The following SNX29 variants were observed in gnomAD, a reference collection of about 807,000 sequenced individuals.
SNX29 encodes the protein sorting nexin-29.
A neutral mutation model predicts 102.1 loss-of-function variants in SNX29; 78 were observed. That is an observed-to-expected ratio of 0.76 (90% CI 0.64 to 0.92). The LOEUF is 0.92. Ranked by LOEUF, SNX29 falls within the 40% of genes least tolerant of loss-of-function variation. The probability of loss-of-function intolerance (pLI) is 0.00; values close to 1 mark genes in which losing one functional copy is unlikely to be tolerated. For synonymous variants in SNX29, 580 were observed against 414.5 expected (o/e 1.40, Z -4.85); for missense variants, 1,280 against 1,061.7 (o/e 1.21, Z -2.86).
chr16:12,046,895 A>C (rs1325705174), intron 6 of SNX29, among the ~76,000 whole-genome samples: 2 of 152,212 alleles, frequency 1.3e-5, no homozygotes, highest in Non-Finnish European at 2.9e-5. Flanking sequence ...TTGGGATTGC[A>C]GGTGTGAGCC....
At chr16:12,361,624 A>G (rs1363404132) in intron 16 of SNX29, among the ~76,000 whole-genome samples, 2 of 152,132 alleles carry the variant, frequency 1.3e-5, no homozygotes, top group East Asian at 1.9e-4. Flanking sequence ...AGCATCCCAC[A>G]CTGAGAAGTG....
chr16:12,454,637 G>A (rs954245528), intron 18 of SNX29, among the ~76,000 whole-genome samples: 1 of 152,230 alleles, frequency 6.6e-6, no homozygotes, highest in Non-Finnish European at 1.5e-5. Context: ...GCAGGGCCCT[G>A]CAAGCCACGT....
intron 20 of SNX29, among the ~76,000 whole-genome samples, chr16:12,537,993 A>G (rs201206873): frequency 6.8e-6 from 1 of 147,936 alleles, no homozygotes; most frequent in Non-Finnish European, 1.5e-5. Context: ...TCAAAAAAAA[A>G]AAAAAAAAAA....
chr16:12,103,572 C>T (rs1282053631), intron 11 of SNX29, among the ~76,000 whole-genome samples: 1 of 152,198 alleles, frequency 6.6e-6, no homozygotes, highest in Non-Finnish European at 1.5e-5. Context: ...AATGTAAGAT[C>T]TAAAACCATA....
chr16:12,093,851 A>C (rs1163624970), intron 11 of SNX29: 1 of 152,238 alleles, frequency 6.6e-6, no homozygotes, highest in East Asian at 1.9e-4. Flanking sequence ...CCTGGGGAGA[A>C]GTTCCTTTGC....
intron 10 of SNX29, among the ~76,000 whole-genome samples, chr16:12,074,604 C>G (rs956411266): frequency 1.3e-5 from 2 of 152,086 alleles, no homozygotes; most frequent in Non-Finnish European, 2.9e-5. Context: ...AACATTTTTT[C>G]CTTCATTTCA....
intron 19 of SNX29, among the ~76,000 whole-genome samples, chr16:12,520,024 A>G (rs1426556211): frequency 6.6e-6 from 1 of 152,090 alleles, no homozygotes; most frequent in Admixed American, 6.6e-5. Context: ...TAATAATAAT[A>G]AAAAAGTAAG....
At chr16:12,069,520 G>A (rs185012024) in intron 10 of SNX29, among the ~76,000 whole-genome samples, 5 of 152,040 alleles carry the variant, frequency 3.3e-5, no homozygotes, top group Admixed American at 1.3e-4. Flanking sequence ...TGCCCACCTC[G>A]GCCTCCCAAA....
At chr16:12,352,606 A>G (rs2082019845) in intron 15 of SNX29, among the ~76,000 whole-genome samples, 1 of 152,250 alleles carries the variant, frequency 6.6e-6, no homozygotes, top group African/African-American at 2.4e-5. Flanking sequence ...GATGAAACCC[A>G]GATGATGACT....
intron 6 of SNX29, among the ~76,000 whole-genome samples, chr16:12,047,911 C>T (rs2050152465): frequency 6.6e-6 from 1 of 152,082 alleles, no homozygotes; most frequent in Non-Finnish European, 1.5e-5. Context: ...CCTGTCTCAG[C>T]CTTCCAAAGT....
intron 13 of SNX29, among the ~76,000 whole-genome samples, chr16:12,170,747 AGT>A (rs1025266066): frequency 2.1e-5 from 3 of 140,474 alleles, no homozygotes; most frequent in East Asian, 2.1e-4. Flanking sequence ...TGAGTGAGTG[AGT>A]GTGTGTGTGT....
At chr16:12,112,366 CAG>C (rs549769134) in intron 11 of SNX29, among the ~76,000 whole-genome samples, 90 of 152,286 alleles carry the variant, frequency 5.9e-4, no homozygotes, top group African/African-American at 1.9e-3. Flanking sequence ...AACTCAGAAA[CAG>C]GGGGCAGGGC....
intron 8 of SNX29, among the ~76,000 whole-genome samples, chr16:12,060,117 C>T (rs564812087): frequency 1.3e-5 from 2 of 151,802 alleles, no homozygotes; most frequent in Non-Finnish European, 2.9e-5. Flanking sequence ...TCTATGGTTT[C>T]AACCAACTGT....
At chr16:12,377,064 G>C (rs1242373743) in intron 16 of SNX29, among the ~76,000 whole-genome samples, 3 of 152,146 alleles carry the variant, frequency 2.0e-5, no homozygotes, top group Admixed American at 6.5e-5. Flanking sequence ...GGGTGAAGAC[G>C]GGGATCAAGG....
chr16:12,304,969 A>C (rs1466583045), intron 15 of SNX29, among the ~76,000 whole-genome samples: 1 of 152,236 alleles, frequency 6.6e-6, no homozygotes, highest in Non-Finnish European at 1.5e-5. Context: ...ATATAATTAA[A>C]ATACACTTAA....
intron 8 of SNX29, 88 bp downstream of exon 8, chr16:12,052,310 G>T (rs566766143): frequency 7.5e-6 from 11 of 1,460,344 alleles, no homozygotes; most frequent in Admixed American, 1.9e-5. Context: ...TCCACCTCCC[G>T]GGTTCAAGCT....
At chr16:12,348,097 A>T (rs1217587349) in intron 15 of SNX29, among the ~76,000 whole-genome samples, 1 of 152,088 alleles carries the variant, frequency 6.6e-6, no homozygotes, top group African/African-American at 2.4e-5. Context: ...AAATTAAAAA[A>T]ATAGGGTACC....
Position 12,477,705 on chromosome 16 carries a change from C to G in SNX29, c.2038-14C>G, listed in dbSNP as rs2087719748. The G allele has an allele frequency of 6.2e-7, 1 of 1,605,776 alleles. No individual in the cohort carries two copies. The highest frequency in any genetic ancestry group is 8.5e-7 in the Non-Finnish European group (1 of 1,177,928). The stretch of plus-strand genomic sequence containing the variant: ...AGGGTTTAAGAGGAATTCACATTTT[C>G]TCTTTCTTGACAGGTCTACATCCGG... On this transcript the variant is annotated splice_polypyrimidine_tract_variant and intron_variant, in intron 18 of 20. Transcript: ENST00000566228.
At chr16:12,045,520 A>G (rs561717415) in intron 5 of SNX29, among the ~76,000 whole-genome samples, 33 of 151,924 alleles carry the variant, frequency 2.2e-4, no homozygotes, top group Middle Eastern at 3.4e-3. Flanking sequence ...CCCTACCCCA[A>G]CTGCCATCTA....
Sources: allele counts gnomAD v4.1 joint callset (sites outside exome capture counted in the v4.1 genomes callset), GRCh38; gene constraint gnomAD v4.1.1; transcripts MANE v1.5; gene names NCBI Gene and HGNC (gene_info 2026-07-23, HGNC 2026-07-21).